The following CNTN5 variants were observed in gnomAD, a reference collection of about 807,000 sequenced individuals.
CNTN5 encodes contactin-5.
In CNTN5, 77 loss-of-function variants were observed where a neutral mutation model predicts 129.1. The observed-to-expected ratio is 0.60, with a 90% CI of 0.50 to 0.72. CNTN5 has a LOEUF of 0.72. Among genes scored for constraint, CNTN5 ranks in the 30% least tolerant of loss-of-function variants. The pLI is 0.00. For synonymous variants in CNTN5, 509 were observed against 465.6 expected (o/e 1.09, Z -1.20); for missense variants, 1,478 against 1,328.8 (o/e 1.11, Z -1.75).
intron 16 of CNTN5, among the ~76,000 whole-genome samples, chr11:100,236,085 T>C (rs1949606698): frequency 1.3e-5 from 2 of 152,190 alleles, no homozygotes. Context: ...CTGGAGTCCA[T>C]ATAACCTGTA....
intron 2 of CNTN5, among the ~76,000 whole-genome samples, chr11:99,408,922 T>G (rs997504203): frequency 6.6e-6 from 1 of 152,208 alleles, no homozygotes; most frequent in Non-Finnish European, 1.5e-5. Context: ...AATCATGTAT[T>G]CTTATAATAA....
At chr11:99,812,064 A>G (rs1291780580) in intron 3 of CNTN5, among the ~76,000 whole-genome samples, 1 of 152,070 alleles carries the variant, frequency 6.6e-6, no homozygotes, top group African/African-American at 2.4e-5. Flanking sequence ...TGGAAACTCA[A>G]AAGGCCTACT....
In CNTN5 at chr11:99,931,325, A is replaced by G. The variant is rs1950187378; in HGVS notation, c.673+15176A>G. ...TTAAACTATCTGACAAAACTTACAC[A>G]TGGAAAACTAAACTATCACAAAGCA... On this transcript the variant is annotated intron_variant, in intron 7 of 24. Transcript: ENST00000524871. 2.0e-5 allele frequency among the ~76,000 whole-genome samples: 3 copies of G among 152,206 alleles called. 1 individual carries two copies. The highest frequency in any genetic ancestry group is 1.3e-4 in the Admixed American group (2 of 15,272).
chr11:99,934,247 G>C (rs1950257031), intron 7 of CNTN5, among the ~76,000 whole-genome samples: 2 of 152,162 alleles, frequency 1.3e-5, no homozygotes, highest in African/African-American at 4.8e-5. Flanking sequence ...AACAGCTGTG[G>C]TTATATTTAC....
intron 4 of CNTN5, among the ~76,000 whole-genome samples, chr11:99,824,159 A>C (rs1444114124): frequency 1.3e-5 from 2 of 151,992 alleles, no homozygotes; most frequent in Non-Finnish European, 1.5e-5. Context: ...TAAGTATTTT[A>C]GGAGTGCAAT....
intron 2 of CNTN5, among the ~76,000 whole-genome samples, chr11:99,499,695 T>C (rs1461061595): frequency 1.3e-5 from 2 of 152,244 alleles, no homozygotes; most frequent in East Asian, 3.8e-4. Context: ...ATTTTGAAAA[T>C]GTTAGTCAAC....
chr11:99,614,245 TTTCA>T (rs1272425061), intron 3 of CNTN5, among the ~76,000 whole-genome samples: 4 of 152,220 alleles, frequency 2.6e-5, no homozygotes, highest in African/African-American at 9.7e-5. Flanking sequence ...TGTGAAGTAT[TTTCA>T]TTCATTGTTT....
At chr11:99,840,448 C>T (rs1343940172) in intron 4 of CNTN5, among the ~76,000 whole-genome samples, 2 of 151,832 alleles carry the variant, frequency 1.3e-5, no homozygotes, top group Non-Finnish European at 2.9e-5. Context: ...AAGAAGTATA[C>T]TTGAGAAGTC....
At chr11:99,694,557 A>G (rs1440308643) in intron 3 of CNTN5, among the ~76,000 whole-genome samples, 1 of 152,086 alleles carries the variant, frequency 6.6e-6, no homozygotes, top group South Asian at 2.1e-4. Context: ...TCTGGGACAC[A>G]TGTGCAGAAT....
At chr11:99,839,722 T>C (rs1168492932) in intron 4 of CNTN5, among the ~76,000 whole-genome samples, 1 of 151,756 alleles carries the variant, frequency 6.6e-6, no homozygotes, top group Non-Finnish European at 1.5e-5. Flanking sequence ...GGGAAACAAA[T>C]GGAAGAGAGA....
intron 9 of CNTN5, among the ~76,000 whole-genome samples, chr11:100,020,730 G>A (rs1030877396): frequency 6.6e-5 from 10 of 151,934 alleles, no homozygotes; most frequent in South Asian, 4.1e-4. Flanking sequence ...TCAGTAAATC[G>A]CAGAATACAA....
chr11:99,958,880 G>C (rs1950870044), intron 8 of CNTN5, among the ~76,000 whole-genome samples: 1 of 152,052 alleles, frequency 6.6e-6, no homozygotes, highest in African/African-American at 2.4e-5. Flanking sequence ...AGGTTGAGGA[G>C]GCTCTTCCAC....
At chr11:99,944,050 GTT>G (rs35289038) in intron 7 of CNTN5, among the ~76,000 whole-genome samples, 4 of 150,214 alleles carry the variant, frequency 2.7e-5, no homozygotes, top group Admixed American at 6.7e-5. Context: ...ATTTAAAGTA[GTT>G]TTTTTTTTTC....
intron 13 of CNTN5, among the ~76,000 whole-genome samples, chr11:100,118,352 A>G (rs1945906695): frequency 2.0e-5 from 3 of 151,876 alleles, no homozygotes; most frequent in South Asian, 4.1e-4. Flanking sequence ...TGTGATCAAT[A>G]TCAAAAAAAG....
chr11:99,510,107 T>C (rs1228573550), intron 2 of CNTN5, among the ~76,000 whole-genome samples: 1 of 151,948 alleles, frequency 6.6e-6, no homozygotes, highest in Admixed American at 6.6e-5. Context: ...ACAGAATAAC[T>C]ATCCAATATA....
At position 99,407,726 on chromosome 11, in the gene CNTN5, A is replaced by T. The variant is rs114344218; in HGVS notation, c.-71+82242A>T. ...AGCTTGTAGTGGCAAGGCTTGTGGG[A>T]ATTCAAGTTCTGACTGTTAGAATCT... On this transcript the variant is annotated intron_variant, in intron 2 of 24. Transcript: ENST00000524871. 4.5e-3 allele frequency among the ~76,000 whole-genome samples: 681 copies of T among 152,248 alleles called. 4 individuals are homozygous for T. The highest frequency in any genetic ancestry group is 0.016 in the African/African-American group (648 of 41,538).
At chr11:99,501,035 T>G (rs1946408821) in intron 2 of CNTN5, among the ~76,000 whole-genome samples, 2 of 152,174 alleles carry the variant, frequency 1.3e-5, no homozygotes, top group Admixed American at 1.3e-4. Context: ...TGTATTTGTA[T>G]ATATTCTCTG....
At chr11:99,785,714 A>G (rs1162987238) in intron 3 of CNTN5, among the ~76,000 whole-genome samples, 2 of 152,166 alleles carry the variant, frequency 1.3e-5, no homozygotes, top group Non-Finnish European at 2.9e-5. Context: ...ATCAATAAAC[A>G]TAATCTATCA....
intron 2 of CNTN5, among the ~76,000 whole-genome samples, chr11:99,510,367 G>C (rs1946789660): frequency 6.6e-6 from 1 of 152,046 alleles, no homozygotes; most frequent in Non-Finnish European, 1.5e-5. Context: ...CCTTTCTGAG[G>C]GCAATTTAGA....
Sources: gnomAD v4.1 joint callset for allele counts (sites outside exome capture counted in the v4.1 genomes callset) on GRCh38, gnomAD v4.1.1 for gene constraint, MANE v1.5 for transcripts, NCBI Gene and HGNC (gene_info 2026-07-23, HGNC 2026-07-21) for gene names.